Variants in KCNJ16 observed in about 807,000 individuals in gnomAD.
The protein encoded by KCNJ16 is inward rectifier potassium channel 16.
In KCNJ16, 15 loss-of-function variants were observed where a neutral mutation model predicts 18.5. That is an observed-to-expected ratio of 0.81 (90% CI 0.54 to 1.25). The LOEUF is 1.25. Among genes scored for constraint, KCNJ16 ranks in the 50% most tolerant of loss-of-function variants. The pLI, the probability that KCNJ16 is intolerant of heterozygous loss-of-function variation, is 0.00. For missense variants in KCNJ16, 523 were observed against 525.7 expected (o/e 0.99, Z 0.05); for synonymous variants, 174 against 186.5 (o/e 0.93, Z 0.55).
intron 1 of KCNJ16, among the ~76,000 whole-genome samples, chr17:70,088,021 C>CAAAAAAAAAAAAAAAAAAAAAAAAA (rs10661960): frequency 3.8e-5 from 3 of 79,442 alleles, no homozygotes; most frequent in African/African-American, 5.4e-5. Context: ...GACTCTGTCT[C>CAAAAAAAAAAAAAAAAAAAAAAAAA]AAAAAAAAAA....
rs965972865 is a variant in KCNJ16, at chr17:70,134,979, C to T, written c.*1635C>T. The T allele has an allele frequency of 1.9e-5, 3 of 160,806 alleles. No individual in the cohort carries two copies. Among genetic ancestry groups the T allele is most frequent in the Non-Finnish European group, 4.4e-5 (3 of 67,542 alleles). The allele number at this position is 160,806 out of a possible 1,614,324, so 10.0% of individuals were successfully genotyped here. A position where few individuals can be genotyped will look rare whatever the true frequency, so the allele number is the denominator to read the frequency against. On this transcript the variant is annotated 3_prime_UTR_variant, in exon 4 of 4. Coordinates refer to ENST00000392671, the MANE Select transcript of KCNJ16 (RefSeq NM_170741.4). ...TTCCTTCCTTTCTTCCCTCCTCCCC[C>T]TCATCCTTCCCTTTCTCCTTCTTTT...
chr17:70,079,823 T>TAAG (rs2071478034), intron 1 of KCNJ16, among the ~76,000 whole-genome samples: 1 of 152,092 alleles, frequency 6.6e-6, no homozygotes, highest in South Asian at 2.1e-4. Flanking sequence ...TTGCCTCCGC[T>TAAG]TCCCAAGTAG....
intron 2 of KCNJ16, among the ~76,000 whole-genome samples, chr17:70,127,240 A>G (rs2073886655): frequency 6.6e-6 from 1 of 152,108 alleles, no homozygotes; most frequent in Non-Finnish European, 1.5e-5. Context: ...ATGAGAAGGG[A>G]AGCTGAGAAT....
chr17:70,102,944 C>CT (rs2072709571), intron 2 of KCNJ16, among the ~76,000 whole-genome samples: 1 of 150,832 alleles, frequency 6.6e-6, no homozygotes, highest in South Asian at 2.1e-4. Flanking sequence ...TTTTCCTTTC[C>CT]TTTTTTTTGA....
chr17:70,078,970 C>T (rs2071431029), intron 1 of KCNJ16, among the ~76,000 whole-genome samples: 1 of 152,160 alleles, frequency 6.6e-6, no homozygotes, highest in Admixed American at 6.6e-5. Context: ...GAAACTCACT[C>T]TTAAGAGAAC....
chr17:70,087,272 G>A (rs888318214), intron 1 of KCNJ16, among the ~76,000 whole-genome samples: 5 of 152,084 alleles, frequency 3.3e-5, no homozygotes, highest in African/African-American at 1.2e-4. Context: ...CTAAGACTCA[G>A]GTAAATTAAG....
At chr17:70,128,134 G>A (rs2073920675) in intron 2 of KCNJ16, 1 of 152,208 alleles carries the variant, frequency 6.6e-6, no homozygotes, top group Admixed American at 6.5e-5. Flanking sequence ...AAATGGATGA[G>A]TCTGATTGAG....
intron 1 of KCNJ16, among the ~76,000 whole-genome samples, chr17:70,086,111 CTTAA>C (rs1342255838): frequency 6.6e-6 from 1 of 152,012 alleles, no homozygotes; most frequent in African/African-American, 2.4e-5. Flanking sequence ...AAAGTCTTTA[CTTAA>C]TTAATTCAAG....
chr17:70,130,948 GCCTATT>G lies in KCNJ16; in HGVS notation c.-120_-115del. 1 of 1,534,786 alleles carries G rather than the reference GCCTATT, an allele frequency of 6.5e-7. No homozygotes were observed. The highest frequency in any genetic ancestry group is 8.7e-7 in the Non-Finnish European group (1 of 1,145,848). On this transcript the variant is annotated 5_prime_UTR_variant, in exon 3 of 4. Transcript: ENST00000392671. ...TTGACTTGAGCTGGGAAATCCTTTG[GCCTATT>G]ATACCATGGATGCTAAAAATGGTAA...
chr17:70,116,866 T>G (rs1336753929), intron 2 of KCNJ16, among the ~76,000 whole-genome samples: 1 of 152,190 alleles, frequency 6.6e-6, no homozygotes, highest in East Asian at 1.9e-4. Flanking sequence ...GAATGTAAAT[T>G]AGTTCAGCCA....
At chr17:70,090,110 T>A (rs937911797) in intron 1 of KCNJ16, among the ~76,000 whole-genome samples, 1 of 152,224 alleles carries the variant, frequency 6.6e-6, no homozygotes, top group Non-Finnish European at 1.5e-5. Context: ...GTAATTGTGC[T>A]GGTAAAACAG....
chr17:70,102,116 C>CT (rs1285762049), intron 2 of KCNJ16: 11 of 150,742 alleles, frequency 7.3e-5, no homozygotes, highest in African/African-American at 2.7e-4. Flanking sequence ...GACCCAGTGG[C>CT]TGATTCAAAA....
chr17:70,106,152 A>G (rs1019116096), intron 2 of KCNJ16, among the ~76,000 whole-genome samples: 9 of 152,196 alleles, frequency 5.9e-5, no homozygotes, highest in African/African-American at 2.2e-4. Flanking sequence ...GAGTAAAGGC[A>G]CAGATAATAC....
chr17:70,128,968 C>T (rs999219744), intron 2 of KCNJ16: 4 of 152,260 alleles, frequency 2.6e-5, no homozygotes, highest in Admixed American at 2.6e-4. Flanking sequence ...ACGCGGACGG[C>T]CTCTCTTTCC....
chr17:70,119,506 G>A (rs2073545848), intron 2 of KCNJ16, among the ~76,000 whole-genome samples: 2 of 152,202 alleles, frequency 1.3e-5, no homozygotes, highest in East Asian at 1.9e-4. Context: ...AATCAAGTAA[G>A]AGGCTACCAA....
At chr17:70,107,344 A>C (rs1295945285) in intron 2 of KCNJ16, among the ~76,000 whole-genome samples, 2 of 152,172 alleles carry the variant, frequency 1.3e-5, no homozygotes, top group African/African-American at 4.8e-5. Context: ...ATATCATCAA[A>C]ACCTGAGCTT....
chr17:70,132,717 C>A lies in KCNJ16; in HGVS notation c.630C>A (p.His210Gln). The change falls in exon 4 of 4, where the codon CAC becomes CAA. Residue 210 changes from histidine to glutamine, a missense_variant. Transcript: ENST00000392671. ...MWRIGDFRPN[H>Q]VVEGTVRAQL... ...GCATTGGTGATTTTCGGCCAAACCACGTGGTAGAAGGAACAGTTAGAGCCC... is the reference window on the plus strand; with the variant it reads ...GCATTGGTGATTTTCGGCCAAACCAAGTGGTAGAAGGAACAGTTAGAGCCC... 1 of 1,614,062 alleles carries A rather than the reference C, an allele frequency of 6.2e-7. No individual in the cohort carries two copies. The highest frequency in any genetic ancestry group is 8.5e-7 in the Non-Finnish European group (1 of 1,180,026).
intron 2 of KCNJ16, among the ~76,000 whole-genome samples, chr17:70,108,034 A>T (rs2073011402): frequency 6.6e-6 from 1 of 152,186 alleles, no homozygotes; most frequent in Admixed American, 6.5e-5. Flanking sequence ...TTAAATCTAC[A>T]TCCCTGTAAA....
chr17:70,112,089 C>A (rs1448829884), intron 2 of KCNJ16, among the ~76,000 whole-genome samples: 1 of 152,186 alleles, frequency 6.6e-6, no homozygotes, highest in Non-Finnish European at 1.5e-5. Flanking sequence ...CTTGATGGCA[C>A]AGCATAGATG....
Sources: gnomAD v4.1 joint callset for allele counts (sites outside exome capture counted in the v4.1 genomes callset) on GRCh38, gnomAD v4.1.1 for gene constraint, MANE v1.5 for transcripts, NCBI Gene and HGNC (gene_info 2026-07-23, HGNC 2026-07-21) for gene names.